The following PCDH15 variants were observed in gnomAD, a reference collection of about 807,000 sequenced individuals.
PCDH15 encodes protocadherin related 15, also known as protocadherin-15.
Under a neutral mutation model 178.5 loss-of-function variants are expected in PCDH15, and 129 were observed. The observed-to-expected ratio is 0.72, with a 90% CI of 0.63 to 0.84. The LOEUF (loss-of-function observed/expected upper bound fraction) is 0.84, where lower values mean the gene tolerates loss of function less well. Among genes scored for constraint, PCDH15 ranks in the 40% least tolerant of loss-of-function variants. The pLI, the probability that PCDH15 is intolerant of heterozygous loss-of-function variation, is 0.00. For synonymous variants in PCDH15, 800 were observed against 732.0 expected (o/e 1.09, Z -1.50); for missense variants, 2,230 against 2,099.9 (o/e 1.06, Z -1.21).
chr10:54,055,321 T>C (rs1031228067), intron 18 of PCDH15, among the ~76,000 whole-genome samples: 1 of 152,210 alleles, frequency 6.6e-6, no homozygotes, highest in African/African-American at 2.4e-5. Context: ...GACTTATGGT[T>C]CTATTTTTGT....
At chr10:54,320,760 G>A (rs145393058) in intron 7 of PCDH15, among the ~76,000 whole-genome samples, 6 of 151,698 alleles carry the variant, frequency 4.0e-5, no homozygotes, top group African/African-American at 1.2e-4. Context: ...TGCTTCTGAC[G>A]GTCTTAAAAA....
At chr10:53,896,480 C>T (rs2081960095) in intron 26 of PCDH15, among the ~76,000 whole-genome samples, 2 of 152,110 alleles carry the variant, frequency 1.3e-5, no homozygotes, top group South Asian at 2.1e-4. Context: ...TTGCTTCACT[C>T]AGTCATTTAT....
chr10:55,423,027 G>A (rs1838660996), intron 2 of PCDH15, among the ~76,000 whole-genome samples: 2 of 151,700 alleles, frequency 1.3e-5, no homozygotes, highest in Non-Finnish European at 2.9e-5. Flanking sequence ...TAAAAATAAG[G>A]ACTATAGAAG....
At chr10:54,852,242 T>C (rs528460959) in intron 3 of PCDH15, among the ~76,000 whole-genome samples, 7 of 100,482 alleles carry the variant, frequency 7.0e-5, no homozygotes, top group Non-Finnish European at 1.2e-4. Flanking sequence ...AAATTGTTTC[T>C]AATGGTTTTA....
intron 1 of PCDH15, among the ~76,000 whole-genome samples, chr10:55,273,726 G>T (rs559010637): frequency 1.3e-5 from 2 of 152,196 alleles, no homozygotes; most frequent in East Asian, 3.9e-4. Context: ...TTAATTTATA[G>T]AGAGATGTAG....
At chr10:54,567,395 G>A (rs1370362294) in intron 2 of PCDH15, among the ~76,000 whole-genome samples, 1 of 152,050 alleles carries the variant, frequency 6.6e-6, no homozygotes, top group Non-Finnish European at 1.5e-5. Flanking sequence ...TATCCAAAAA[G>A]TCATTGCCAT....
chr10:55,610,424 G>A (rs1402686568), intron 2 of PCDH15, among the ~76,000 whole-genome samples: 1 of 151,992 alleles, frequency 6.6e-6, no homozygotes, highest in Non-Finnish European at 1.5e-5. Context: ...TAATGACTTA[G>A]CTTTGCTTTG....
At chr10:54,748,113 G>A (rs1462160931) in intron 1 of PCDH15, among the ~76,000 whole-genome samples, 2 of 151,972 alleles carry the variant, frequency 1.3e-5, no homozygotes, top group African/African-American at 4.8e-5. Flanking sequence ...ACCACTCAAT[G>A]GTTACATTCT....
chr10:55,256,676 G>T (rs984324431), intron 1 of PCDH15, among the ~76,000 whole-genome samples: 1 of 152,184 alleles, frequency 6.6e-6, no homozygotes, highest in African/African-American at 2.4e-5. Flanking sequence ...GAGGCTGGGG[G>T]AGGGGCGCCC....
intron 2 of PCDH15, among the ~76,000 whole-genome samples, chr10:54,601,120 G>T (rs1392024713): frequency 6.6e-6 from 1 of 151,972 alleles, no homozygotes; most frequent in Non-Finnish European, 1.5e-5. Context: ...ATCTTATGTT[G>T]ATCGATGTGA....
intron 2 of PCDH15, among the ~76,000 whole-genome samples, chr10:55,540,624 A>C (rs1438423159): frequency 6.6e-6 from 1 of 152,126 alleles, no homozygotes; most frequent in Non-Finnish European, 1.5e-5. Flanking sequence ...AGATGCTACT[A>C]TAAAAGTTTC....
At chr10:55,591,022 T>C (rs1842833242) in intron 2 of PCDH15, among the ~76,000 whole-genome samples, 1 of 152,056 alleles carries the variant, frequency 6.6e-6, no homozygotes, top group Non-Finnish European at 1.5e-5. Context: ...TAAAACAAAA[T>C]CTCACAAAGA....
intron 2 of PCDH15, among the ~76,000 whole-genome samples, chr10:54,980,656 A>G (rs1277914437): frequency 1.3e-5 from 2 of 151,978 alleles, no homozygotes; most frequent in Non-Finnish European, 2.9e-5. Context: ...TAGTCTCATT[A>G]TGTCTTTTAC....
At chr10:55,225,324 CTAAGCTTT>C (rs1840999797) in intron 1 of PCDH15, among the ~76,000 whole-genome samples, 1 of 151,954 alleles carries the variant, frequency 6.6e-6, no homozygotes, top group African/African-American at 2.4e-5. Context: ...TTTCTGTAAC[CTAAGCTTT>C]TAAGTTACAT....
chr10:55,164,438 A>G (rs117207300), intron 2 of PCDH15, among the ~76,000 whole-genome samples: 17,655 of 150,148 alleles, frequency 0.12, 1,422 homozygotes, highest in Non-Finnish European at 0.17. Flanking sequence ...TTTATTTAAT[A>G]TAATTATAAT....
intron 2 of PCDH15, among the ~76,000 whole-genome samples, chr10:55,014,348 A>G (rs1468065879): frequency 6.6e-6 from 1 of 152,068 alleles, no homozygotes; most frequent in East Asian, 1.9e-4. Context: ...GCTAATTGTG[A>G]CCCCACTCTT....
chr10:55,592,278 G>A (rs4130563), intron 2 of PCDH15, among the ~76,000 whole-genome samples: 8,712 of 152,120 alleles, frequency 0.057, 573 homozygotes, highest in East Asian at 0.31. Context: ...TGTCAGTGGG[G>A]TTCAGCCAAT....
In PCDH15 at chr10:55,237,477, T is replaced by C. The variant is rs551880546; in HGVS notation, c.-155-70826A>G. On this transcript the variant is annotated intron_variant, in intron 1 of 5. Coordinates refer to the PCDH15 transcript ENST00000458638. ...CATTTTACAAATGTGAAAACTGTGTTTTAATGAATTTAAATTACTTGGTCA... is the reference window on the plus strand; with the variant it reads ...CATTTTACAAATGTGAAAACTGTGTCTTAATGAATTTAAATTACTTGGTCA... 3.9e-5 allele frequency among the ~76,000 whole-genome samples: 6 copies of C among 152,284 alleles called. No homozygotes were observed. The East Asian group carries it at 1.2e-3, about 29-fold the overall frequency.
chr10:55,612,750 A>G (rs1843394356), intron 2 of PCDH15, among the ~76,000 whole-genome samples: 1 of 152,184 alleles, frequency 6.6e-6, no homozygotes. Flanking sequence ...CAAAAGAAAT[A>G]AAAATTATTG....
Sources: gnomAD v4.1 joint callset for allele counts (sites outside exome capture counted in the v4.1 genomes callset) on GRCh38, gnomAD v4.1.1 for gene constraint, MANE v1.5 for transcripts, NCBI Gene and HGNC (gene_info 2026-07-23, HGNC 2026-07-21) for gene names.